The following GLI2 variants were observed in gnomAD, a reference collection of about 807,000 sequenced individuals.
The protein encoded by GLI2 is transcription activator GLI2.
In GLI2, 22 loss-of-function variants were observed where a neutral mutation model predicts 78.9. That is an observed-to-expected ratio of 0.28 (90% CI 0.20 to 0.40). The LOEUF is 0.40. Ranked by LOEUF, GLI2 falls within the 10% of genes least tolerant of loss-of-function variation. The pLI, the probability that GLI2 is intolerant of heterozygous loss-of-function variation, is 1.00. For synonymous variants in GLI2, 974 were observed against 963.7 expected (o/e 1.01, Z -0.20); for missense variants, 2,097 against 2,213.2 (o/e 0.95, Z 1.05).
chr2:120,960,747 G>A (rs954884650), intron 5 of GLI2, among the ~76,000 whole-genome samples: 5 of 152,234 alleles, frequency 3.3e-5, no homozygotes, highest in Admixed American at 6.5e-5. Flanking sequence ...CGGGGCTCTT[G>A]TGGGATTGGA....
At chr2:120,984,308 G>A (rs1170347322) in intron 11 of GLI2, among the ~76,000 whole-genome samples, 163 bp from the exon 12 acceptor site, 2 of 152,192 alleles carry the variant, frequency 1.3e-5, no homozygotes, top group South Asian at 2.1e-4. Flanking sequence ...CCTGCATGGT[G>A]CCATCCACAG....
At position 120,789,032 on chromosome 2, in the gene GLI2, TC is replaced by T. The variant is rs201640128; in HGVS notation, c.-30-8258del. Among the ~76,000 whole-genome samples, 843 of 133,898 alleles carry T rather than the reference TC, an allele frequency of 6.3e-3. 13 individuals are homozygous for T. Among genetic ancestry groups the T allele is most frequent in the African/African-American group, 0.019 (562 of 29,032 alleles). The allele number at this position is 133,898 out of a possible 152,430, so 87.8% of individuals were successfully genotyped here. On this transcript the variant is annotated intron_variant, in intron 1 of 13. Coordinates refer to ENST00000361492, the MANE Select transcript of GLI2 (RefSeq NM_001374353.1). ...CTGGCTTATCACTTATTTCTTTCTT[TC>T]TTTTTTTTTTTTTTTTTGAGACGGA...
At chr2:120,820,974 A>C (rs1172375442) in intron 2 of GLI2, among the ~76,000 whole-genome samples, 2 of 152,042 alleles carry the variant, frequency 1.3e-5, no homozygotes, top group East Asian at 3.9e-4. Context: ...GTGCCGACTC[A>C]GTAACTAGTG....
chr2:120,988,268 A>G lies in GLI2; in HGVS notation c.2303A>G (p.Asn768Ser), dbSNP rs768131638. The change falls in exon 14 of 14, where the codon AAC becomes AGC. Residue 768 changes from asparagine to serine, a missense_variant. Around this residue, in one of 5 missense-constraint regions of GLI2, gnomAD observed 1,290 missense variants for 1,261.7 expected, o/e 1.02. Transcript: ENST00000361492. ...GGCGGGCCCGCGGGGCTGCTGCCGA[A>G]CCCGCGGCTGTCGGAGCTGTCCGCG... ...GGGGPAGLLP[N>S]PRLSELSASE... 2 of 1,569,080 alleles carry G rather than the reference A, an allele frequency of 1.3e-6. No individual in the cohort carries two copies. Among genetic ancestry groups the G allele is most frequent in the South Asian group, 1.2e-5 (1 of 86,518 alleles).
At chr2:120,847,429 T>G (rs1054059766) in intron 2 of GLI2, among the ~76,000 whole-genome samples, 2 of 152,114 alleles carry the variant, frequency 1.3e-5, no homozygotes, top group African/African-American at 4.8e-5. Context: ...AGAGGGACCA[T>G]GCAGTTCTGG....
At chr2:120,922,824 C>T (rs778653983) in intron 2 of GLI2, among the ~76,000 whole-genome samples, 1 of 152,132 alleles carries the variant, frequency 6.6e-6, no homozygotes, top group Non-Finnish European at 1.5e-5. Flanking sequence ...ACAGGTGACC[C>T]AGGCTCCTGG....
chr2:120,753,755 G>T (rs1392524658), intron 1 of GLI2, among the ~76,000 whole-genome samples: 1 of 151,894 alleles, frequency 6.6e-6, no homozygotes, highest in Non-Finnish European at 1.5e-5. Flanking sequence ...AAAATTAGCC[G>T]GGCGAGGTGG....
chr2:120,860,303 C>CA (rs1687846993), intron 2 of GLI2, among the ~76,000 whole-genome samples: 1 of 152,196 alleles, frequency 6.6e-6, no homozygotes, highest in African/African-American at 2.4e-5. Flanking sequence ...CCAGTACCCC[C>CA]AAGGAGCTGC....
Position 120,797,399 on chromosome 2 carries a change from G to A in GLI2, c.79G>A (p.Asp27Asn), listed in dbSNP as rs752505618. The A allele has an allele frequency of 1.5e-5, 25 of 1,613,892 alleles. No individual in the cohort carries two copies. The highest frequency in any genetic ancestry group is 4.0e-5 in the African/African-American group (3 of 74,908). The change falls in exon 2 of 14, where the codon GAC becomes AAC. Residue 27 changes from aspartate (D) to asparagine (N), a missense_variant. Asp to Asn is a conservative substitution (Grantham distance 23). Around this residue, in one of 5 missense-constraint regions of GLI2, gnomAD observed 578 missense variants for 612.0 expected, o/e 0.94. Transcript: ENST00000361492. ...GATCCTGGAGGCCGCTGGCTTCCCC[G>A]ACCCGGGTAAAAAGGCCTCTCCTTT... ...SGILEAAGFP[D>N]PGKKASPLVV... is the part of the protein sequence containing the mutation.
chr2:120,989,276 C>G lies in GLI2; in HGVS notation c.3311C>G (p.Ala1104Gly), dbSNP rs752010477. Residue 1104 changes from alanine (A) to glycine (G), a missense_variant, in exon 14 of 14, where the codon GCC becomes GGC. Physicochemically the swap from Ala to Gly is moderately conservative, Grantham distance 60 (BLOSUM62 0). Coordinates refer to ENST00000361492, the MANE Select transcript of GLI2 (RefSeq NM_001374353.1). ...VAADSNVGPS[A>G]PMLGGCQLGF... Reference sequence around the variant, plus strand: ...GCGGACTCCAACGTGGGCCCCTCCGCCCCTATGCTGGGAGGATGCCAGTTA... The same window carrying G: ...GCGGACTCCAACGTGGGCCCCTCCGGCCCTATGCTGGGAGGATGCCAGTTA... 6.2e-7 allele frequency: 1 copy of G among 1,613,140 alleles called. No homozygotes were observed.
At chr2:120,773,022 C>G (rs1683567587) in intron 1 of GLI2, among the ~76,000 whole-genome samples, 1 of 152,186 alleles carries the variant, frequency 6.6e-6, no homozygotes, top group Admixed American at 6.5e-5. Flanking sequence ...TGTCTGATAT[C>G]CCATTGTGTG....
chr2:120,846,649 G>C (rs898403558), intron 2 of GLI2, among the ~76,000 whole-genome samples: 1 of 152,220 alleles, frequency 6.6e-6, no homozygotes, highest in African/African-American at 2.4e-5. Context: ...AGCCGTGTTT[G>C]GTTCCCCTCA....
At chr2:120,894,660 T>C in intron 2 of GLI2, among the ~76,000 whole-genome samples, 1 of 124,122 alleles carries the variant, frequency 8.1e-6, no homozygotes, top group African/African-American at 3.0e-5. Flanking sequence ...TCCCCCCACT[T>C]CCATTTTACC....
Position 120,990,555 on chromosome 2 carries a change from C to T in GLI2, c.4590C>T (p.Pro1530=), listed in dbSNP as rs766411900. 15 of 1,614,118 alleles carry T rather than the reference C, an allele frequency of 9.3e-6. No homozygotes were observed. The highest frequency in any genetic ancestry group is 2.2e-5 in the South Asian group (2 of 91,076). The change falls in exon 14 of 14, where the codon CCC becomes CCT. Residue 1530 remains proline, a synonymous_variant. Coordinates refer to ENST00000361492, the MANE Select transcript of GLI2 (RefSeq NM_001374353.1). The stretch of plus-strand genomic sequence containing the variant: ...AGAACTCCTCCCGCCTCACCACCCC[C>T]CGAAACTCCTTGACCCTGCCCTCCA... ...LSQNSSRLTT[P]RNSLTLPSIP...
intron 3 of GLI2, among the ~76,000 whole-genome samples, chr2:120,935,411 C>CCAGT (rs1324957678): frequency 6.6e-6 from 1 of 152,230 alleles, no homozygotes; most frequent in East Asian, 1.9e-4. Context: ...TGAGGGTAGA[C>CCAGT]CGACTAGATG....
intron 2 of GLI2, among the ~76,000 whole-genome samples, chr2:120,818,244 G>A (rs1330331489): frequency 6.6e-6 from 1 of 152,222 alleles, no homozygotes; most frequent in Non-Finnish European, 1.5e-5. Context: ...GGTGTGGAGG[G>A]TGAAGTCTAA....
intron 1 of GLI2, among the ~76,000 whole-genome samples, chr2:120,781,649 G>A (rs1267163862): frequency 1.3e-5 from 2 of 152,204 alleles, no homozygotes; most frequent in Non-Finnish European, 2.9e-5. Context: ...TTGGGAGGCC[G>A]AGGCGGGTGG....
chr2:120,800,700 G>C lies in GLI2; in HGVS notation c.148+3232G>C, dbSNP rs2104704060. Among the ~76,000 whole-genome samples the C allele has an allele frequency of 6.6e-6, 1 of 151,914 alleles. No individual in the cohort carries two copies. The highest frequency in any genetic ancestry group is 1.9e-4 in the East Asian group (1 of 5,138). ...TTTTGTATTTTTTAGTAGAGATGGG[G>C]TTTCACTGTGTTAGCCAGGATGGTC... On this transcript the variant is annotated intron_variant, in intron 2 of 13. Transcript: ENST00000361492. The surrounding 1 kb of genome is among the most constrained non-coding windows in gnomAD (Gnocchi z 4.1).
chr2:120,964,236 A>T (rs1185075575), intron 5 of GLI2, among the ~76,000 whole-genome samples: 2 of 152,204 alleles, frequency 1.3e-5, no homozygotes, highest in African/African-American at 2.4e-5. Context: ...GAGCAGGCAG[A>T]GGAAGCTGCA....
Sources: gnomAD v4.1 joint callset for allele counts (sites outside exome capture counted in the v4.1 genomes callset) on GRCh38, gnomAD v4.1.1 for gene constraint, gnomAD v4.1.1 regional missense constraint, Gnocchi (gnomAD v3.1) non-coding constraint, MANE v1.5 for transcripts, NCBI Gene and HGNC (gene_info 2026-07-23, HGNC 2026-07-21) for gene names.